The following GABRB2 variants were observed in gnomAD, a reference collection of about 807,000 sequenced individuals.
GABRB2 encodes gamma-aminobutyric acid type A receptor subunit beta2, also known as gamma-aminobutyric acid receptor subunit beta-2.
A neutral mutation model predicts 54.7 loss-of-function variants in GABRB2; 16 were observed. That is an observed-to-expected ratio of 0.29 (90% CI 0.20 to 0.44). GABRB2 has a LOEUF of 0.44. GABRB2 is among the 20% of genes least tolerant of loss of function. The pLI is 1.00. For synonymous variants in GABRB2, 244 were observed against 233.8 expected (o/e 1.04, Z -0.40); for missense variants, 355 against 644.0 (o/e 0.55, Z 4.86).
At chr5:161,497,670 T>C (rs1216970995) in intron 3 of GABRB2, among the ~76,000 whole-genome samples, 2 of 152,020 alleles carry the variant, frequency 1.3e-5, no homozygotes, top group Admixed American at 6.6e-5. Flanking sequence ...AAGACAATAA[T>C]ACCAACATCA....
intron 3 of GABRB2, among the ~76,000 whole-genome samples, chr5:161,535,692 T>C (rs961028996): frequency 3.3e-5 from 5 of 152,214 alleles, no homozygotes; most frequent in African/African-American, 1.2e-4. Context: ...ACTGGTTAAC[T>C]TGAAGTGCAT....
intron 3 of GABRB2, among the ~76,000 whole-genome samples, chr5:161,467,040 A>T (rs1406579102): frequency 1.3e-5 from 2 of 152,094 alleles, no homozygotes; most frequent in Non-Finnish European, 2.9e-5. Flanking sequence ...TTTTTTAATG[A>T]TCAGAGTTTA....
intron 2 of GABRB2, among the ~76,000 whole-genome samples, chr5:161,545,849 G>A (rs183599488): frequency 5.6e-4 from 85 of 152,190 alleles, no homozygotes; most frequent in African/African-American, 2.0e-3. Flanking sequence ...TGGGAGGAGT[G>A]GATTATATCC....
At chr5:161,512,645 C>A (rs1267473977) in intron 3 of GABRB2, among the ~76,000 whole-genome samples, 1 of 152,010 alleles carries the variant, frequency 6.6e-6, no homozygotes, top group East Asian at 1.9e-4. Context: ...TCATTCTGGA[C>A]ATTAGCTTTG....
chr5:161,403,313 T>A (rs1267794463), intron 5 of GABRB2, among the ~76,000 whole-genome samples: 3 of 152,060 alleles, frequency 2.0e-5, no homozygotes, highest in African/African-American at 7.2e-5. Context: ...AGATGAAAGT[T>A]GTGGTTATCT....
At position 161,360,523 on chromosome 5, in the gene GABRB2, A is replaced by G. The variant is rs186393576; in HGVS notation, c.542-23754T>C. Among the ~76,000 whole-genome samples, 9 of 152,366 alleles carry G rather than the reference A, an allele frequency of 5.9e-5. No homozygotes were observed. The East Asian group carries it at 1.7e-3, about 29-fold the overall frequency. Reference sequence around the variant, plus strand: ...AACAGTCAACACTGGATGATACTACAGAACCAATTTATTATTTTAAAAACT... The same window carrying G: ...AACAGTCAACACTGGATGATACTACGGAACCAATTTATTATTTTAAAAACT... On this transcript the variant is annotated intron_variant, in intron 5 of 9. Transcript: ENST00000393959.
At chr5:161,398,915 C>T in intron 5 of GABRB2, among the ~76,000 whole-genome samples, 1 of 152,242 alleles carries the variant, frequency 6.6e-6, no homozygotes, top group African/African-American at 2.4e-5. Context: ...GTATCGATCT[C>T]TTCACTGTTT....
intron 8 of GABRB2, chr5:161,330,410 T>C (rs1753803602): frequency 6.5e-6 from 1 of 153,798 alleles, no homozygotes; most frequent in African/African-American, 2.4e-5. Context: ...TGCTTATCTT[T>C]CCTTTAAGTC....
At chr5:161,478,680 T>G (rs1205314303) in intron 3 of GABRB2, among the ~76,000 whole-genome samples, 3 of 152,002 alleles carry the variant, frequency 2.0e-5, no homozygotes. Flanking sequence ...ATATCTTTCA[T>G]GGTTGAGTAC....
intron 5 of GABRB2, among the ~76,000 whole-genome samples, chr5:161,382,275 A>G (rs1755493533): frequency 6.6e-6 from 1 of 152,158 alleles, no homozygotes; most frequent in African/African-American, 2.4e-5. Context: ...AAGTCTGGAG[A>G]GCATGTCGTT....
intron 5 of GABRB2, among the ~76,000 whole-genome samples, chr5:161,383,928 C>T (rs186712550): frequency 7.2e-5 from 11 of 152,212 alleles, no homozygotes; most frequent in South Asian, 2.1e-4. Context: ...CATATATACG[C>T]GCAAGCTGGA....
chr5:161,388,379 C>A (rs542484586), intron 5 of GABRB2, among the ~76,000 whole-genome samples: 4 of 152,164 alleles, frequency 2.6e-5, no homozygotes, highest in Non-Finnish European at 5.9e-5. Flanking sequence ...TATTCTTCCA[C>A]AAATTTATTA....
rs75733618 is a variant in GABRB2, at chr5:161,517,750, C to T, written c.237+27477G>A. Among the ~76,000 whole-genome samples the T allele has an allele frequency of 1.1e-3, 160 of 152,000 alleles. 1 individual carries two copies. Among genetic ancestry groups the T allele is most frequent in the African/African-American group, 3.5e-3 (146 of 41,474 alleles). ...AAAGGGCCAAATCTAATCAACACAT[C>T]TTATCTAAATTCTGGCATGAAGGAA... On this transcript the variant is annotated intron_variant, in intron 3 of 9. Coordinates refer to ENST00000393959, the MANE Select transcript of GABRB2 (RefSeq NM_001371727.1).
intron 3 of GABRB2, among the ~76,000 whole-genome samples, chr5:161,469,902 TC>T (rs144946119): frequency 0.019 from 2,886 of 152,058 alleles, 38 homozygotes; most frequent in Middle Eastern, 0.078. Context: ...ATCTCTATTT[TC>T]TCATCCAAAG....
intron 4 of GABRB2, among the ~76,000 whole-genome samples, chr5:161,451,946 A>G (rs1443577087): frequency 2.6e-5 from 4 of 152,186 alleles, no homozygotes; most frequent in Non-Finnish European, 4.4e-5. Context: ...AATAAGAAAC[A>G]TGGATTATTT....
intron 6 of GABRB2, 129 bp downstream of exon 6, chr5:161,336,503 G>A (rs1753997307): frequency 1.8e-6 from 2 of 1,090,936 alleles, no homozygotes; most frequent in Admixed American, 2.7e-5. Context: ...ATGGGAAACT[G>A]AGGGTTTTCA....
intron 4 of GABRB2, among the ~76,000 whole-genome samples, chr5:161,421,694 A>T (rs1449013207): frequency 1.3e-5 from 2 of 152,122 alleles, no homozygotes; most frequent in South Asian, 2.1e-4. Context: ...GGCCCAGAAA[A>T]TAGCAATTAA....
In GABRB2 at chr5:161,291,867, C is replaced by T. The variant is rs1437234151; in HGVS notation, c.*2214G>A. 1 of 152,356 alleles carries T rather than the reference C, an allele frequency of 6.6e-6. No individual in the cohort carries two copies. The highest frequency in any genetic ancestry group is 1.5e-5 in the Non-Finnish European group (1 of 68,014). 9.4% of individuals were successfully genotyped at this position (152,356 alleles called of 1,614,324 possible). On this transcript the variant is annotated 3_prime_UTR_variant, in exon 10 of 10. Coordinates refer to ENST00000393959, the MANE Select transcript of GABRB2 (RefSeq NM_001371727.1). Reference sequence around the variant, plus strand: ...CCCCTGAGTTATCAATATGTTCCTTCCTGATGTTTTTTAGTCAAACTTTAC... The same window carrying T: ...CCCCTGAGTTATCAATATGTTCCTTTCTGATGTTTTTTAGTCAAACTTTAC...
chr5:161,395,317 A>T (rs1412198322), intron 5 of GABRB2, among the ~76,000 whole-genome samples: 1 of 152,126 alleles, frequency 6.6e-6, no homozygotes, highest in East Asian at 1.9e-4. Context: ...GTTTGAAGGC[A>T]AAAAAGAAAG....
Sources: allele counts gnomAD v4.1 joint callset (sites outside exome capture counted in the v4.1 genomes callset), GRCh38; gene constraint gnomAD v4.1.1; transcripts MANE v1.5; gene names NCBI Gene and HGNC (gene_info 2026-07-23, HGNC 2026-07-21).